The following DOCK9 variants were observed in gnomAD, a reference collection of about 807,000 sequenced individuals.
DOCK9 encodes the protein dedicator of cytokinesis protein 9.
In DOCK9, 89 loss-of-function variants were observed where a neutral mutation model predicts 263.3. The ratio of observed to expected loss-of-function variants is 0.34; its 90% confidence interval spans 0.28 to 0.40. The LOEUF (loss-of-function observed/expected upper bound fraction) is 0.40. Ranked by LOEUF, DOCK9 falls within the 10% of genes least tolerant of loss-of-function variation. The pLI, the probability that DOCK9 is intolerant of heterozygous loss-of-function variation, is 1.00. For synonymous variants in DOCK9, 976 were observed against 973.1 expected, an observed-to-expected ratio of 1.00 and a Z score of -0.06; for missense variants, 2,140 against 2,603.4, an observed-to-expected ratio of 0.82 and a Z score of 3.87.
At chr13:99,057,197 T>C (rs1021791025) in intron 1 of DOCK9, among the ~76,000 whole-genome samples, 2 of 152,158 alleles carry the variant, frequency 1.3e-5, no homozygotes, top group African/African-American at 4.8e-5. Context: ...ACAACATATA[T>C]CCCTTTTTTC....
At chr13:99,064,672 T>C (rs2041339214) in intron 1 of DOCK9, among the ~76,000 whole-genome samples, 1 of 152,232 alleles carries the variant, frequency 6.6e-6, no homozygotes, top group Non-Finnish European at 1.5e-5. Flanking sequence ...CATTTTTCCC[T>C]TCAAAGGGAA....
chr13:99,057,573 T>C (rs2040984366), intron 1 of DOCK9, among the ~76,000 whole-genome samples: 1 of 152,146 alleles, frequency 6.6e-6, no homozygotes, highest in Non-Finnish European at 1.5e-5. Flanking sequence ...AAAAGAATAA[T>C]ATTTAACACC....
intron 1 of DOCK9, among the ~76,000 whole-genome samples, chr13:99,021,411 G>A (rs1370944949): frequency 3.3e-5 from 5 of 152,072 alleles, no homozygotes; most frequent in African/African-American, 4.8e-5. Flanking sequence ...AGGCCAAGGC[G>A]GATGGATCAC....
chr13:99,082,451 G>A (rs978647473), intron 1 of DOCK9, among the ~76,000 whole-genome samples: 2 of 146,230 alleles, frequency 1.4e-5, no homozygotes, highest in African/African-American at 5.1e-5. Flanking sequence ...CCCGGGAAGC[G>A]GAGGTTGCAG....
intron 21 of DOCK9, 75 bp downstream of exon 21, chr13:98,884,896 T>C: frequency 1.4e-6 from 2 of 1,476,642 alleles, no homozygotes; most frequent in Admixed American, 2.2e-5. Context: ...GCTTTTTGTG[T>C]GTTATTGTTG....
chr13:98,959,063 C>A (rs1765351873), intron 1 of DOCK9, among the ~76,000 whole-genome samples: 1 of 152,202 alleles, frequency 6.6e-6, no homozygotes, highest in African/African-American at 2.4e-5. Context: ...TACCACTCAA[C>A]AACTGAGGCT....
At chr13:99,055,546 C>A (rs1406292058) in intron 1 of DOCK9, among the ~76,000 whole-genome samples, 1 of 151,818 alleles carries the variant, frequency 6.6e-6, no homozygotes, top group African/African-American at 2.4e-5. Flanking sequence ...CAGCCAGGCG[C>A]ACAGGGTCAG....
rs374775888 is a variant in DOCK9, at chr13:98,901,832, C to T, written c.1449G>A (p.Gln483=). The T allele has an allele frequency of 4.7e-5, 76 of 1,612,720 alleles. No individual in the cohort carries two copies. The African/African-American group carries it at 8.8e-4, about 19-fold the overall frequency. ...FLVARIEKVL[Q]GSITHCAEPY... is the part of the protein sequence containing the mutation. ...GCTCAGCGCAATGTGTGATGCTCCCCTGAAGGACTTTTTCAATTCTGGCCA... is the reference window on the plus strand; with the variant it reads ...GCTCAGCGCAATGTGTGATGCTCCCTTGAAGGACTTTTTCAATTCTGGCCA... Residue 483 remains glutamine, a synonymous_variant, in exon 13 of 53, where the codon CAG becomes CAA. Transcript: ENST00000682017.
chr13:98,921,833 G>A (rs2052049005), intron 6 of DOCK9, among the ~76,000 whole-genome samples: 1 of 152,180 alleles, frequency 6.6e-6, no homozygotes, highest in Admixed American at 6.5e-5. Flanking sequence ...CCAGCCCAGG[G>A]ATGGTCTCCT....
chr13:98,955,406 T>C lies in DOCK9; in HGVS notation c.243+29A>G, dbSNP rs765732706. On this transcript the variant is annotated intron_variant, in intron 2 of 52. Coordinates refer to ENST00000682017, the MANE Select transcript of DOCK9 (RefSeq NM_001366683.2). ...TGCTTGTTAAGATCAAACACGTGGT[T>C]CTACGGATAGAAACATAACGTTACT... is the stretch of plus-strand genomic sequence containing the variant. 6 of 1,462,930 alleles carry C rather than the reference T, an allele frequency of 4.1e-6. No individual in the cohort carries two copies. In the African/African-American group the frequency reaches 8.4e-5, roughly 20 times the overall value. The allele number at this position is 1,462,930 out of a possible 1,614,324, so 90.6% of individuals were successfully genotyped here.
intron 1 of DOCK9, among the ~76,000 whole-genome samples, chr13:99,044,072 T>C (rs1205889680): frequency 2.6e-5 from 4 of 152,232 alleles, no homozygotes; most frequent in East Asian, 1.9e-4. Context: ...TTAGCTCTGC[T>C]CTAAAGTTAT....
At chr13:98,794,901 A>G in intron 52 of DOCK9, 153 bp from the exon 53 acceptor site, 1 of 740,994 alleles carries the variant, frequency 1.3e-6, no homozygotes. Context: ...TACTGAGTAT[A>G]AGGATGCAAG....
intron 9 of DOCK9, among the ~76,000 whole-genome samples, chr13:98,905,114 C>G (rs2048885957): frequency 6.6e-6 from 1 of 152,002 alleles, no homozygotes; most frequent in Non-Finnish European, 1.5e-5. Flanking sequence ...GGAAATGAGC[C>G]CAGATGATAG....
intron 9 of DOCK9, among the ~76,000 whole-genome samples, chr13:98,905,028 G>C (rs2048873388): frequency 6.6e-6 from 1 of 152,248 alleles, no homozygotes; most frequent in Non-Finnish European, 1.5e-5. Context: ...TATGGGACAG[G>C]CTTGGAATGA....
rs1439487238 is a variant in DOCK9 at position 98,831,672 on chromosome 13, C to T, written c.4429G>A (p.Ala1477Thr). 2 of 1,613,600 alleles carry T rather than the reference C, an allele frequency of 1.2e-6. No homozygotes were observed. The highest frequency in any genetic ancestry group is 1.7e-6 in the Non-Finnish European group (2 of 1,179,716). Residue 1477 changes from alanine (A) to threonine (T), a missense_variant, in exon 40 of 53, where the codon GCC (alanine) becomes ACC (threonine). By Grantham distance (58) the Ala-to-Thr change is moderately conservative (BLOSUM62 0). Transcript: ENST00000682017. ...SETALKNVFT[A>T]LRSLIYKFPS... is the part of the protein sequence containing the mutation. The stretch of plus-strand genomic sequence containing the variant: ...ACCTTATAAATTAAGGACCTTAAGG[C>T]AGTGAAGACATTTTTTAAAGCCGTT...
intron 15 of DOCK9, among the ~76,000 whole-genome samples, chr13:98,895,994 C>G (rs897336925): frequency 3.3e-5 from 5 of 152,160 alleles, no homozygotes; most frequent in Admixed American, 6.5e-5. Context: ...CCCAGCAGGC[C>G]TCATCCTTCA....
upstream of DOCK9, chr13:99,088,064 C>T (rs770134423): frequency 3.3e-5 from 5 of 152,240 alleles, no homozygotes; most frequent in Non-Finnish European, 7.3e-5. Flanking sequence ...CAAAACACCT[C>T]CGTTCTGGGT....
chr13:98,895,380 C>CCCTAGGCCAG (rs2139226993), intron 15 of DOCK9, among the ~76,000 whole-genome samples: 1 of 151,850 alleles, frequency 6.6e-6, no homozygotes, highest in African/African-American at 2.4e-5. Context: ...AAATGTTCCC[C>CCCTAGGCCAG]CCTAGGCTGG....
intron 2 of DOCK9, among the ~76,000 whole-genome samples, chr13:98,941,295 T>G (rs901339979): frequency 6.6e-6 from 1 of 152,206 alleles, no homozygotes; most frequent in African/African-American, 2.4e-5. Context: ...AAAGAGGGAC[T>G]GCGCAATTTA....
Sources: gnomAD v4.1 joint callset for allele counts (sites outside exome capture counted in the v4.1 genomes callset) on GRCh38, gnomAD v4.1.1 for gene constraint, MANE v1.5 for transcripts, NCBI Gene and HGNC (gene_info 2026-07-23, HGNC 2026-07-21) for gene names.